Variants in STPG2 observed in about 807,000 individuals in gnomAD.
STPG2 encodes the protein sperm tail PG-rich repeat containing 2.
In STPG2, 56 loss-of-function variants were observed where a neutral mutation model predicts 54.2. That is an observed-to-expected ratio of 1.03 (90% CI 0.83 to 1.29). The LOEUF is 1.29. Among genes scored for constraint, STPG2 ranks in the 50% most tolerant of loss-of-function variants. STPG2 has a pLI of 0.00. For missense variants in STPG2, 596 were observed against 544.9 expected, an observed-to-expected ratio of 1.09 and a Z score of -0.93; for synonymous variants, 200 against 181.8, an observed-to-expected ratio of 1.10 and a Z score of -0.81.
chr4:97,507,227 C>G (rs1730869243), intron 4 of STPG2, among the ~76,000 whole-genome samples: 1 of 151,766 alleles, frequency 6.6e-6, no homozygotes, highest in Admixed American at 6.6e-5. Context: ...GAAGTTAAAC[C>G]ACGAGGACAC....
In STPG2 at chr4:97,512,419, A is replaced by T. The variant is rs187134625; in HGVS notation, c.462+200280T>A. 8.8e-3 allele frequency among the ~76,000 whole-genome samples: 1,334 copies of T among 152,188 alleles called. 26 individuals are homozygous for T. Among genetic ancestry groups the T allele is most frequent in the Non-Finnish European group, 0.01 (698 of 68,004 alleles). Reference sequence around the variant, plus strand: ...AGGTGCCTATGAAATCCCTGACTGTAAATGTTTAGCATGGAATGCATATGT... The same window carrying T: ...AGGTGCCTATGAAATCCCTGACTGTTAATGTTTAGCATGGAATGCATATGT... On this transcript the variant is annotated intron_variant, in intron 4 of 4. Coordinates refer to the STPG2 transcript ENST00000522676.
At chr4:97,651,000 T>C (rs1203217543) in intron 10 of STPG2, among the ~76,000 whole-genome samples, 1 of 151,898 alleles carries the variant, frequency 6.6e-6, no homozygotes, top group Non-Finnish European at 1.5e-5. Flanking sequence ...AGATAGGAAT[T>C]TGGGCAAGAT....
rs372786056 is a variant in STPG2 at position 98,128,504 on chromosome 4, T to C, written c.311A>G (p.Asp104Gly). 2.6e-5 allele frequency: 42 copies of C among 1,613,704 alleles called. No individual in the cohort carries two copies. The highest frequency in any genetic ancestry group is 3.2e-5 in the Non-Finnish European group (38 of 1,179,842). The change falls in exon 3 of 11, where the codon GAT (aspartate) becomes GGT (glycine). Residue 104 changes from aspartate (D) to glycine (G), a missense_variant. Transcript: ENST00000295268. Reference sequence around the variant, plus strand: ...AAAACATTTTATAATACTGCCATCATCATTAATATGATAACCATATGACTT... The same window carrying C: ...AAAACATTTTATAATACTGCCATCACCATTAATATGATAACCATATGACTT... The part of the protein sequence containing the change: ...CGKSYGYHIN[D>G]DGSIIKCFPP...
downstream of STPG2, among the ~76,000 whole-genome samples, chr4:97,554,729 A>G (rs1275312498): frequency 1.3e-5 from 2 of 152,202 alleles, no homozygotes; most frequent in African/African-American, 2.4e-5. Context: ...TTAATACTAT[A>G]AATAGTTATG....
intron 5 of STPG2, among the ~76,000 whole-genome samples, chr4:98,024,368 G>A (rs1025768556): frequency 1.3e-5 from 2 of 152,142 alleles, no homozygotes; most frequent in East Asian, 3.9e-4. Flanking sequence ...AGTGTGGATA[G>A]CTACCCAACT....
At chr4:98,018,912 A>C (rs1323683509) in intron 5 of STPG2, among the ~76,000 whole-genome samples, 2 of 151,422 alleles carry the variant, frequency 1.3e-5, no homozygotes, top group African/African-American at 2.4e-5. Flanking sequence ...TAGATTCTGC[A>C]TATTAGCCCT....
chr4:97,637,901 G>A (rs986025402), intron 10 of STPG2, among the ~76,000 whole-genome samples: 2 of 151,972 alleles, frequency 1.3e-5, no homozygotes, highest in Non-Finnish European at 2.9e-5. Flanking sequence ...TCAATATCGT[G>A]AAAATGGCCA....
chr4:97,974,837 T>C (rs938703098), intron 6 of STPG2, among the ~76,000 whole-genome samples: 1 of 152,048 alleles, frequency 6.6e-6, no homozygotes, highest in African/African-American at 2.4e-5. Context: ...CATGGGCTAA[T>C]ACACTTGCCA....
intron 9 of STPG2, among the ~76,000 whole-genome samples, chr4:97,743,353 G>A (rs547649547): frequency 1.3e-5 from 2 of 151,816 alleles, no homozygotes; most frequent in Admixed American, 1.3e-4. Context: ...AATACACTCA[G>A]CTCCAGGTTT....
At chr4:97,856,987 C>G (rs541609282) in intron 8 of STPG2, among the ~76,000 whole-genome samples, 1 of 152,154 alleles carries the variant, frequency 6.6e-6, no homozygotes, top group South Asian at 2.1e-4. Context: ...TTGAACAAAT[C>G]CTGCATCCCA....
chr4:97,470,560 A>T (rs1222132155), intron 4 of STPG2, among the ~76,000 whole-genome samples: 1 of 152,242 alleles, frequency 6.6e-6, no homozygotes, highest in African/African-American at 2.4e-5. Flanking sequence ...TGTATATACT[A>T]TGTTGTTGTT....
At chr4:97,853,434 T>A (rs538642524) in intron 8 of STPG2, among the ~76,000 whole-genome samples, 4 of 152,198 alleles carry the variant, frequency 2.6e-5, no homozygotes, top group East Asian at 1.9e-4. Context: ...AATAAAAAAA[T>A]TTTAAAAGAA....
At chr4:98,084,552 TTTA>T (rs1738449002) in intron 5 of STPG2, among the ~76,000 whole-genome samples, 1 of 152,126 alleles carries the variant, frequency 6.6e-6, no homozygotes, top group Non-Finnish European at 1.5e-5. Context: ...CCAGAGTGAG[TTTA>T]TTATTTTACA....
intron 4 of STPG2, among the ~76,000 whole-genome samples, chr4:97,529,994 C>T (rs1228627193): frequency 1.3e-5 from 2 of 151,998 alleles, no homozygotes; most frequent in Admixed American, 1.3e-4. Flanking sequence ...CTTCCCCCTT[C>T]ACTAGTACTT....
chr4:97,595,859 T>A (rs561972501), intron 10 of STPG2, among the ~76,000 whole-genome samples: 1 of 152,140 alleles, frequency 6.6e-6, no homozygotes, highest in African/African-American at 2.4e-5. Flanking sequence ...AACTACACAA[T>A]AAAGTCTGCA....
intron 8 of STPG2, among the ~76,000 whole-genome samples, chr4:97,863,052 G>C (rs112426501): frequency 0.025 from 3,751 of 151,750 alleles, 99 homozygotes; most frequent in African/African-American, 0.072. Flanking sequence ...GAAGCAAGAG[G>C]AAACACATTC....
intron 7 of STPG2, among the ~76,000 whole-genome samples, chr4:97,947,176 C>T (rs1357693122): frequency 1.3e-5 from 2 of 151,882 alleles, no homozygotes; most frequent in African/African-American, 4.8e-5. Flanking sequence ...ATTTCATTCT[C>T]AGTTTGGTCA....
intron 8 of STPG2, among the ~76,000 whole-genome samples, chr4:97,842,652 T>C (rs530137778): frequency 2.6e-5 from 4 of 151,920 alleles, no homozygotes; most frequent in Non-Finnish European, 4.4e-5. Flanking sequence ...CTATTTTTTT[T>C]AATAACTTGA....
chr4:97,562,574 G>T (rs991692349), intron 10 of STPG2, among the ~76,000 whole-genome samples: 1 of 152,148 alleles, frequency 6.6e-6, no homozygotes, highest in African/African-American at 2.4e-5. Context: ...TATTGGCTGT[G>T]GGTTTGTCAT....
Sources: gnomAD v4.1 joint callset for allele counts (sites outside exome capture counted in the v4.1 genomes callset) on GRCh38, gnomAD v4.1.1 for gene constraint, MANE v1.5 for transcripts, NCBI Gene and HGNC (gene_info 2026-07-23, HGNC 2026-07-21) for gene names.